Variants in TJP1 observed in about 807,000 individuals in gnomAD.
TJP1 encodes tight junction protein ZO-1.
Under a neutral mutation model 194.2 loss-of-function variants are expected in TJP1, and 43 were observed. The ratio of observed to expected loss-of-function variants is 0.22; its 90% CI spans 0.17 to 0.29. The LOEUF is 0.29. Among genes scored for constraint, TJP1 ranks in the 10% least tolerant of loss-of-function variants. TJP1 has a pLI of 1.00. For synonymous variants in TJP1, 801 were observed against 779.0 expected (o/e 1.03, Z -0.47); for missense variants, 1,971 against 2,185.7 (o/e 0.90, Z 1.96).
chr15:29,814,953 T>C (rs1174564674), intron 1 of TJP1, among the ~76,000 whole-genome samples: 1 of 152,206 alleles, frequency 6.6e-6, no homozygotes, highest in Non-Finnish European at 1.5e-5. Context: ...TCAAATGGTG[T>C]TTTACAGTAC....
chr15:29,717,291 G>C (rs2042624527), intron 22 of TJP1, among the ~76,000 whole-genome samples: 1 of 152,194 alleles, frequency 6.6e-6, no homozygotes, highest in African/African-American at 2.4e-5. Context: ...ATGGTCTAAA[G>C]TTCTAGAAGG....
intron 1 of TJP1, among the ~76,000 whole-genome samples, chr15:29,962,171 C>G (rs1165506927): frequency 6.6e-6 from 1 of 152,226 alleles, no homozygotes; most frequent in African/African-American, 2.4e-5. Context: ...CAGTGCAGCA[C>G]AACTTCTTGA....
At chr15:29,808,702 G>A (rs1395503421) in intron 1 of TJP1, among the ~76,000 whole-genome samples, 1 of 152,066 alleles carries the variant, frequency 6.6e-6, no homozygotes, top group Non-Finnish European at 1.5e-5. Context: ...CAGTACCAGT[G>A]GGCGATCAAA....
intron 2 of TJP1, among the ~76,000 whole-genome samples, chr15:29,906,468 A>AAAATAAATAAAT (rs71103415): frequency 0.18 from 24,333 of 138,662 alleles, 2,424 homozygotes; most frequent in Middle Eastern, 0.24. Flanking sequence ...ACTCCGTCTC[A>AAAATAAATAAAT]AAATAAATAA....
intron 2 of TJP1, among the ~76,000 whole-genome samples, chr15:29,918,239 A>G (rs1424103390): frequency 1.3e-5 from 2 of 152,340 alleles, no homozygotes; most frequent in South Asian, 2.1e-4. Flanking sequence ...ATCAGTGGGC[A>G]CCTGGGTTGC....
At chr15:29,762,927 C>G (rs1183451616) in intron 5 of TJP1, among the ~76,000 whole-genome samples, 2 of 152,100 alleles carry the variant, frequency 1.3e-5, no homozygotes, top group African/African-American at 2.4e-5. Context: ...AAAGAGTAAA[C>G]TGCTTGAGGT....
In TJP1 at chr15:29,838,612, C is replaced by G. The variant is rs371568584; in HGVS notation, c.307-37910G>C. 3.7e-4 allele frequency among the ~76,000 whole-genome samples: 56 copies of G among 150,218 alleles called. No homozygotes were observed. The East Asian group carries it at 5.9e-3, about 16-fold the overall frequency. On this transcript the variant is annotated intron_variant, in intron 2 of 28. Coordinates refer to the TJP1 transcript ENST00000356107. ...CCTGTTATACATGTACTCTGTGTGT[C>G]TGTGTGTGTGTGTGTGTGTGTGTAG... is the stretch of plus-strand genomic sequence containing the variant.
At chr15:29,911,677 T>C (rs147784147) in intron 2 of TJP1, among the ~76,000 whole-genome samples, 55 of 152,236 alleles carry the variant, frequency 3.6e-4, no homozygotes, top group Non-Finnish European at 6.6e-4. Context: ...ATGATCCAAT[T>C]ACCTCCCACC....
At chr15:29,804,423 G>A (rs1471612124) in intron 1 of TJP1, among the ~76,000 whole-genome samples, 1 of 152,090 alleles carries the variant, frequency 6.6e-6, no homozygotes, top group Non-Finnish European at 1.5e-5. Flanking sequence ...TTTAGTACCA[G>A]TAAATTTATT....
Position 29,730,631 on chromosome 15 carries a change from C to CGA in TJP1, c.2017+1800_2017+1801dup, listed in dbSNP as rs1324339492. Reference sequence around the variant, plus strand: ...AAAGAGGAGCAGTGTGAAGAAGAGGCGAGAACGACCCCCGGACCGACCAAA... The same window carrying CGA: ...AAAGAGGAGCAGTGTGAAGAAGAGGCGAGAGAACGACCCCCGGACCGACCAAA... On this transcript the variant is annotated intron_variant, in intron 15 of 27. Coordinates refer to ENST00000614355, the MANE Select transcript of TJP1 (RefSeq NM_001330239.4). 4.7e-6 allele frequency: 3 copies of CGA among 633,528 alleles called. No individual in the cohort carries two copies. In the African/African-American group the frequency reaches 5.5e-5, roughly 12 times the overall value. The allele number at this position is 633,528 out of a possible 1,614,324, so 39.2% of individuals were successfully genotyped here.
intron 8 of TJP1, chr15:29,759,981 A>G (rs967789956): frequency 1.3e-4 from 64 of 482,816 alleles, no homozygotes; most frequent in Non-Finnish European, 2.2e-4. Flanking sequence ...ATGTACCCAG[A>G]AGTGGAATTG....
chr15:29,762,999 C>T (rs544959619), intron 5 of TJP1, among the ~76,000 whole-genome samples: 1 of 152,282 alleles, frequency 6.6e-6, no homozygotes, highest in South Asian at 2.1e-4. Flanking sequence ...TATACTACTT[C>T]TATTTTTCCC....
At chr15:29,718,221 T>C in intron 21 of TJP1, 45 bp downstream of exon 21, 2 of 1,597,474 alleles carry the variant, frequency 1.3e-6, no homozygotes, top group South Asian at 1.1e-5. Flanking sequence ...AAGAAGCCTT[T>C]TAAACGGTGT....
chr15:29,963,299 T>C (rs994331131), intron 1 of TJP1, among the ~76,000 whole-genome samples: 1 of 152,050 alleles, frequency 6.6e-6, no homozygotes, highest in African/African-American at 2.4e-5. Context: ...TTTCAGTTAT[T>C]CTCTCCTTCT....
At chr15:29,901,248 T>A (rs2053626471) in intron 2 of TJP1, among the ~76,000 whole-genome samples, 1 of 152,208 alleles carries the variant, frequency 6.6e-6, no homozygotes, top group Non-Finnish European at 1.5e-5. Flanking sequence ...AGGCACGACA[T>A]CCTGAAGATC....
intron 2 of TJP1, among the ~76,000 whole-genome samples, chr15:29,928,782 A>T (rs1017530672): frequency 2.0e-5 from 3 of 152,158 alleles, no homozygotes; most frequent in Admixed American, 2.0e-4. Flanking sequence ...TCTCTACTAA[A>T]AATACAAAAA....
At position 29,701,515 on chromosome 15, in the gene TJP1, G is replaced by A; in HGVS notation, c.*80C>T. On this transcript the variant is annotated 3_prime_UTR_variant, in exon 28 of 28. Transcript: ENST00000614355. ...AACTGTAGTATCAACTCTAAAAAAG[G>A]TATAATACTTGATAGAGTGGTTCCA... The A allele has an allele frequency of 8.6e-7, 1 of 1,167,828 alleles. No individual in the cohort carries two copies. The allele number at this position is 1,167,828 out of a possible 1,614,324, so 72.3% of individuals were successfully genotyped here.
At chr15:29,957,111 T>C (rs962858743) in intron 1 of TJP1, among the ~76,000 whole-genome samples, 1 of 151,976 alleles carries the variant, frequency 6.6e-6, no homozygotes, top group African/African-American at 2.4e-5. Context: ...AGCATGAAAA[T>C]AACATAAATC....
chr15:29,811,982 C>T (rs1447221764), intron 1 of TJP1, among the ~76,000 whole-genome samples: 3 of 152,158 alleles, frequency 2.0e-5, no homozygotes, highest in Admixed American at 2.0e-4. Flanking sequence ...TTAAAATAGG[C>T]TTCACTTAAA....
Sources: gnomAD v4.1 joint callset for allele counts (sites outside exome capture counted in the v4.1 genomes callset) on GRCh38, gnomAD v4.1.1 for gene constraint, MANE v1.5 for transcripts, NCBI Gene and HGNC (gene_info 2026-07-23, HGNC 2026-07-21) for gene names.